Variants in INAVA observed in about 807,000 individuals in gnomAD.
The protein encoded by INAVA is innate immunity activator.
Under a neutral mutation model 55.3 loss-of-function variants are expected in INAVA, and 32 were observed. The ratio of observed to expected loss-of-function variants is 0.58; its 90% confidence interval spans 0.44 to 0.78. INAVA has a LOEUF of 0.78. Among genes scored for constraint, INAVA ranks in the 30% least tolerant of loss-of-function variants. The pLI is 0.00. For missense variants in INAVA, 756 were observed against 786.4 expected (o/e 0.96, Z 0.46); for synonymous variants, 294 against 329.4 (o/e 0.89, Z 1.16).
rs749831484 is a variant in INAVA, at chr1:200,899,539, TG to T, written c.124del (p.Glu42LysfsTer11). 1 of 1,613,708 alleles carries T rather than the reference TG, an allele frequency of 6.2e-7. No individual in the cohort carries two copies. The highest frequency in any genetic ancestry group is 8.5e-7 in the Non-Finnish European group (1 of 1,179,904). On this transcript the variant is annotated frameshift_variant, in exon 3 of 10. Transcript: ENST00000413687. LOFTEE classifies it high-confidence loss of function. Reference protein sequence around the residue: ...THAVHKQQRALEARLEACLEE... With the variant: ...THAVHKQQRAXEARLEACLEE... ...GCAGTGCACAAGCAGCAGAGGGCCC[TG>T]GAAGCGAGGCTGGAGGCCTGCCTGG... is the stretch of plus-strand genomic sequence containing the variant.
intron 2 of INAVA, among the ~76,000 whole-genome samples, 178 bp downstream of exon 2, chr1:200,898,633 G>T (rs571428247): frequency 1.3e-5 from 2 of 152,208 alleles, no homozygotes; most frequent in Admixed American, 6.5e-5. Context: ...TTCTGGAAGG[G>T]CTGGAGCCTC....
chr1:200,894,757 C>T (rs890770424), upstream of INAVA: 11 of 983,408 alleles, frequency 1.1e-5, no homozygotes, highest in Non-Finnish European at 1.3e-5. Flanking sequence ...TTTTTCCCTG[C>T]TACCCTCCTG....
chr1:200,913,776 C>T lies in INAVA; in HGVS notation c.*147C>T. 1 of 613,474 alleles carries T rather than the reference C, an allele frequency of 1.6e-6. No homozygotes were observed. Among genetic ancestry groups the T allele is most frequent in the Non-Finnish European group, 2.9e-6 (1 of 346,540 alleles). 38.0% of individuals were successfully genotyped at this position (613,474 alleles called of 1,614,324 possible). A position where few individuals can be genotyped will look rare whatever the true frequency, so the allele number is the denominator to read the frequency against. On this transcript the variant is annotated 3_prime_UTR_variant, in exon 10 of 10. Coordinates refer to ENST00000413687, the MANE Select transcript of INAVA (RefSeq NM_001142569.3). ...CTTTTATTATTTTTTTTTTACACGA[C>T]TTTTTTCAGAAGCCCTGACCTAAGG... is the stretch of plus-strand genomic sequence containing the variant.
chr1:200,908,442 A>C, intron 6 of INAVA: 32 of 298,824 alleles, frequency 1.1e-4, no homozygotes, highest in Middle Eastern at 1.9e-3. Context: ...AACTGCAGAC[A>C]TGGTACCAGG....
intron 5 of INAVA, 93 bp downstream of exon 5, chr1:200,901,252 G>A: frequency 7.9e-7 from 1 of 1,266,222 alleles, no homozygotes; most frequent in East Asian, 2.7e-5. Context: ...TTTGCATTTG[G>A]CTCCAGCTGG....
chr1:200,904,090 A>AT (rs774833894), intron 5 of INAVA, among the ~76,000 whole-genome samples: 8,131 of 138,598 alleles, frequency 0.059, 319 homozygotes, highest in East Asian at 0.13. Flanking sequence ...TCCTCATAAC[A>AT]TTTTTTTTTT....
At chr1:200,894,670 T>C (rs1266927016), upstream of INAVA, among the ~76,000 whole-genome samples, 1 of 152,112 alleles carries the variant, frequency 6.6e-6, no homozygotes, top group East Asian at 1.9e-4. Context: ...CTCAGAATGT[T>C]GTACTAGGGT....
At chr1:200,893,986 TGAG>T (rs531875431), upstream of INAVA, among the ~76,000 whole-genome samples, 16 of 151,734 alleles carry the variant, frequency 1.1e-4, no homozygotes, top group East Asian at 3.1e-3. Context: ...GATGAAGACT[TGAG>T]GGGTGCAGCC....
At chr1:200,906,212 G>A (rs558622174) in intron 5 of INAVA, 4 of 152,234 alleles carry the variant, frequency 2.6e-5, no homozygotes, top group South Asian at 2.1e-4. Flanking sequence ...GTCACTTTAG[G>A]CTTATTCTCA....
chr1:200,897,637 C>A (rs1553299508), intron 1 of INAVA, among the ~76,000 whole-genome samples: 2 of 149,296 alleles, frequency 1.3e-5, no homozygotes, highest in Non-Finnish European at 3.0e-5. Flanking sequence ...TTCCTCCTTT[C>A]TTTTTTTTTT....
upstream of INAVA, chr1:200,891,654 G>A (rs561120720): frequency 1.9e-4 from 288 of 1,510,640 alleles, 4 homozygotes; most frequent in South Asian, 2.3e-3. Context: ...CGAGGCTGGA[G>A]TGGAGGGCGC....
chr1:200,907,974 T>A, intron 6 of INAVA, 87 bp downstream of exon 6: 1 of 1,123,682 alleles, frequency 8.9e-7, no homozygotes, highest in Non-Finnish European at 1.3e-6. Context: ...GTGTGGAATT[T>A]AAGTGGGAGT....
rs1653718818 is a variant in INAVA, at chr1:200,911,482, G to T, written c.989G>T (p.Gly330Val). Residue 330 changes from glycine to valine, a missense_variant, in exon 9 of 10, where the codon GGC (glycine) becomes GTC (valine). Coordinates refer to ENST00000413687, the MANE Select transcript of INAVA (RefSeq NM_001142569.3). ...GATTCCTTCCGGGCGGGTCCTGAGGGCCGAGGTCGCAGCGCCTTTCCCCGC... is the reference window on the plus strand; with the variant it reads ...GATTCCTTCCGGGCGGGTCCTGAGGTCCGAGGTCGCAGCGCCTTTCCCCGC... ...RVDSFRAGPE[G>V]RGRSAFPRRR... 1.2e-6 allele frequency: 2 copies of T among 1,613,140 alleles called. No individual in the cohort carries two copies. Among genetic ancestry groups the T allele is most frequent in the Non-Finnish European group, 8.5e-7 (1 of 1,179,668 alleles).
chr1:200,909,985 C>T (rs1396014502), intron 8 of INAVA, among the ~76,000 whole-genome samples: 3 of 152,094 alleles, frequency 2.0e-5, no homozygotes, highest in Non-Finnish European at 4.4e-5. Context: ...TAACTCATAC[C>T]CAGATGAAGC....
rs748170588 is a variant in INAVA at position 200,913,615 on chromosome 1, A to G, written c.1723A>G (p.Ile575Val). The change falls in exon 10 of 10, where the codon ATC becomes GTC. Residue 575 changes from isoleucine (I) to valine (V), a missense_variant. By Grantham distance (29) the Ile-to-Val change is conservative. This residue lies in a region of INAVA where 117 missense variants were observed against 162.1 expected (regional missense o/e 0.72). Transcript: ENST00000413687. ...QVFVPEKGEI[I>V]SQV is the part of the protein sequence containing the mutation. ...CTTTGTACCTGAAAAAGGAGAGATC[A>G]TCAGCCAGGTGTAACTCTGCGCCCC... The G allele has an allele frequency of 1.3e-5, 21 of 1,613,822 alleles. No homozygotes were observed. Among genetic ancestry groups the G allele is most frequent in the Admixed American group, 1.0e-4 (6 of 60,004 alleles).
chr1:200,913,305 AG>A (rs2102319356), intron 9 of INAVA, among the ~76,000 whole-genome samples: 1 of 152,232 alleles, frequency 6.6e-6, no homozygotes, highest in South Asian at 2.1e-4. Flanking sequence ...GGGGAGGAGG[AG>A]GTCAGGGCGC....
At position 200,901,030 on chromosome 1, in the gene INAVA, C is replaced by T. The variant is rs751878605; in HGVS notation, c.391C>T (p.Gln131Ter). ...GTGCCTGGAGGAGAACCTCAGCAGG[C>T]AGGCTCGGCGGCAGCGGAAGCACTC... is the stretch of plus-strand genomic sequence containing the variant. Reference protein sequence around the residue: ...RLCLEENLSRQARRQRKHSML... With the variant: ...RLCLEENLSR The change falls in exon 5 of 10, where the codon CAG becomes TAG. Residue 131 changes from glutamine (Q) to a stop codon, truncating the protein, a stop_gained. Coordinates refer to ENST00000413687, the MANE Select transcript of INAVA (RefSeq NM_001142569.3). LOFTEE classifies it high-confidence loss of function. 1 of 1,549,340 alleles carries T rather than the reference C, an allele frequency of 6.5e-7. No homozygotes were observed. Among genetic ancestry groups the T allele is most frequent in the South Asian group, 1.2e-5 (1 of 84,008 alleles).
chr1:200,894,880 T>C, upstream of INAVA: 5 of 985,594 alleles, frequency 5.1e-6, no homozygotes, highest in Non-Finnish European at 6.0e-6. Context: ...TCATAACAAG[T>C]AACCTGGTTC....
chr1:200,898,501 T>C, intron 2 of INAVA, 46 bp downstream of exon 2: 1 of 1,596,968 alleles, frequency 6.3e-7, no homozygotes, highest in Non-Finnish European at 8.5e-7. Flanking sequence ...TAGTCCCTGG[T>C]CCCTGGTCCC....
Sources: gnomAD v4.1 joint callset for allele counts (sites outside exome capture counted in the v4.1 genomes callset) on GRCh38, gnomAD v4.1.1 for gene constraint, gnomAD v4.1.1 regional missense constraint, MANE v1.5 for transcripts, NCBI Gene and HGNC (gene_info 2026-07-23, HGNC 2026-07-21) for gene names.